Variants in IDO2 observed in about 807,000 individuals in gnomAD.
IDO2 encodes indoleamine 2,3-dioxygenase-like 1 protein.
Under a neutral mutation model 45.1 loss-of-function variants are expected in IDO2, and 46 were observed. That is an observed-to-expected ratio of 1.02 (90% CI 0.80 to 1.30). IDO2 has a LOEUF of 1.30. Ranked by LOEUF, IDO2 falls within the 50% of genes most tolerant of loss-of-function variation. The pLI is 0.00. For synonymous variants in IDO2, 218 were observed against 184.9 expected (o/e 1.18, Z -1.45); for missense variants, 544 against 491.8 (o/e 1.11, Z -1.00).
intron 5 of IDO2, among the ~76,000 whole-genome samples, chr8:39,983,118 G>T (rs1406071555): frequency 6.6e-6 from 1 of 152,180 alleles, no homozygotes; most frequent in African/African-American, 2.4e-5. Context: ...AGTTGGCTTT[G>T]ATAAGTAATC....
chr8:40,015,113 C>G, intron 10 of IDO2, 134 bp from the exon 11 acceptor site: 2 of 601,130 alleles, frequency 3.3e-6, no homozygotes. Context: ...TGAGATCACA[C>G]CACTGCACTC....
chr8:39,976,995 G>T (rs1008561392), intron 3 of IDO2, among the ~76,000 whole-genome samples: 1 of 152,038 alleles, frequency 6.6e-6, no homozygotes, highest in Admixed American at 6.6e-5. Flanking sequence ...TGTGAGAAAA[G>T]TATTAATAAT....
intron 9 of IDO2, among the ~76,000 whole-genome samples, chr8:40,011,304 C>T (rs1326211145): frequency 6.6e-6 from 1 of 152,140 alleles, no homozygotes; most frequent in Non-Finnish European, 1.5e-5. Context: ...TTTGAGAGTG[C>T]AACATTTAGC....
At chr8:39,955,790 C>T (rs748756550) in intron 2 of IDO2, among the ~76,000 whole-genome samples, 2 of 152,166 alleles carry the variant, frequency 1.3e-5, no homozygotes, top group Non-Finnish European at 2.9e-5. Flanking sequence ...ACTGTAGTAG[C>T]TTGTCAAAAT....
chr8:39,935,424 G>GGTTGTTGTTGTT (rs72187471), intron 1 of IDO2, among the ~76,000 whole-genome samples: 2 of 149,886 alleles, frequency 1.3e-5, no homozygotes, highest in Admixed American at 6.7e-5. Context: ...TTACTTTTCT[G>GGTTGTTGTTGTT]GTTGTTGTTG....
intron 1 of IDO2, among the ~76,000 whole-genome samples, chr8:39,939,010 T>C (rs1018385510): frequency 1.3e-5 from 2 of 152,028 alleles, no homozygotes; most frequent in Non-Finnish European, 2.9e-5. Context: ...TCCCAGCACT[T>C]TGGGAGGCTG....
chr8:39,988,688 A>T (rs1415147604), intron 7 of IDO2, among the ~76,000 whole-genome samples: 8 of 152,104 alleles, frequency 5.3e-5, no homozygotes, highest in Non-Finnish European at 1.0e-4. Flanking sequence ...AAGTGCTGGG[A>T]TTACAGGTGT....
rs1808075485 is a variant in IDO2 at position 39,965,744 on chromosome 8, TG to T, written c.195+2043del. Reference sequence around the variant, plus strand: ...CTCAAGGGAAAACATCACGTGAAGATGGAGGTAGAATTGGAATGATGCATTG... The same window carrying T: ...CTCAAGGGAAAACATCACGTGAAGATGAGGTAGAATTGGAATGATGCATTG... On this transcript the variant is annotated intron_variant, in intron 3 of 10. Coordinates refer to ENST00000502986, the Ensembl canonical transcript of IDO2. Among the ~76,000 whole-genome samples, 4 of 152,162 alleles carry T rather than the reference TG, an allele frequency of 2.6e-5. No individual in the cohort carries two copies. The South Asian group carries it at 8.3e-4, about 32-fold the overall frequency.
exon 1 of IDO2, chr8:39,935,065 A>G: frequency 2.3e-6 from 2 of 863,126 alleles, no homozygotes; most frequent in Non-Finnish European, 4.0e-6. Flanking sequence ...AAATATTTTA[A>G]AGACAAGGAT....
exon 1 of IDO2, chr8:39,934,868 G>A: frequency 2.2e-6 from 1 of 451,484 alleles, no homozygotes; most frequent in Non-Finnish European, 4.0e-6. Flanking sequence ...AGAAGATGGA[G>A]AATTTTAAAG....
At chr8:39,974,879 C>T (rs564355909) in intron 3 of IDO2, among the ~76,000 whole-genome samples, 18 of 152,146 alleles carry the variant, frequency 1.2e-4, no homozygotes, top group Admixed American at 3.3e-4. Context: ...TGAGATTGCA[C>T]GACGGCACTC....
At chr8:40,011,665 A>G (rs1303250876) in intron 9 of IDO2, among the ~76,000 whole-genome samples, 1 of 152,222 alleles carries the variant, frequency 6.6e-6, no homozygotes, top group Non-Finnish European at 1.5e-5. Flanking sequence ...AATGGCTAGT[A>G]TTCACTGAAT....
chr8:40,010,482 C>A (rs1474380926), intron 9 of IDO2, among the ~76,000 whole-genome samples: 12 of 152,120 alleles, frequency 7.9e-5, no homozygotes. Context: ...CCTTCAGTTG[C>A]AAATCATCTC....
exon 10 of IDO2, chr8:40,013,703 C>T (rs754712601): frequency 3.4e-5 from 54 of 1,604,648 alleles, no homozygotes; most frequent in Non-Finnish European, 3.4e-6. Context: ...TTCGTCATAG[C>T]AAGGAAAGTG....
chr8:39,946,385 G>A (rs7008770), intron 1 of IDO2, among the ~76,000 whole-genome samples: 31,436 of 152,110 alleles, frequency 0.21, 3,297 homozygotes, highest in East Asian at 0.26. Context: ...CAAGGCAGGC[G>A]GATCACAAGG....
At chr8:40,007,262 A>G (rs1802238160) in intron 9 of IDO2, among the ~76,000 whole-genome samples, 1 of 151,948 alleles carries the variant, frequency 6.6e-6, no homozygotes. Flanking sequence ...CTAAAAATCT[A>G]CTATATTACA....
intron 8 of IDO2, among the ~76,000 whole-genome samples, chr8:39,999,434 A>C (rs951742493): frequency 4.6e-5 from 7 of 151,898 alleles, no homozygotes; most frequent in African/African-American, 1.7e-4. Context: ...ACCTGCCAAC[A>C]CGCCAGGCTA....
intron 8 of IDO2, among the ~76,000 whole-genome samples, chr8:39,998,768 G>A (rs1380427342): frequency 2.0e-5 from 3 of 149,890 alleles, no homozygotes; most frequent in South Asian, 2.1e-4. Flanking sequence ...AACTTCCCGA[G>A]TAGCTGAGAT....
At chr8:40,004,556 TAGATAGATAGAC>T (rs1364441813) in intron 8 of IDO2, among the ~76,000 whole-genome samples, 7 of 151,888 alleles carry the variant, frequency 4.6e-5, no homozygotes, top group East Asian at 1.9e-4. Context: ...GATAGATAGA[TAGATAGATAGAC>T]GATAGATAGA....
Sources: gnomAD v4.1 joint callset for allele counts (sites outside exome capture counted in the v4.1 genomes callset) on GRCh38, gnomAD v4.1.1 for gene constraint, MANE v1.5 for transcripts, NCBI Gene and HGNC (gene_info 2026-07-23, HGNC 2026-07-21) for gene names.